RUFY2: variants seen among roughly 807,000 people sequenced by gnomAD.
The protein encoded by RUFY2 is RUN and FYVE domain-containing protein 2.
RUFY2 carries 49 observed loss-of-function variants against 94.4 expected under a neutral mutation model. That is an observed-to-expected ratio of 0.52 (90% CI 0.41 to 0.66). The LOEUF (loss-of-function observed/expected upper bound fraction) is 0.66. Ranked by LOEUF, RUFY2 falls within the 30% of genes least tolerant of loss-of-function variation. RUFY2 has a pLI of 0.00. For missense variants in RUFY2, 541 were observed against 692.8 expected (o/e 0.78, Z 2.46); for synonymous variants, 255 against 235.7 (o/e 1.08, Z -0.75).
downstream of RUFY2, chr10:68,342,286 AC>A: frequency 2.3e-6 from 1 of 438,670 alleles, no homozygotes; most frequent in Admixed American, 4.0e-5. Context: ...TGATGTTGAT[AC>A]TTTTTATATA....
At chr10:68,406,036 T>C (rs1253482623) in intron 1 of RUFY2, among the ~76,000 whole-genome samples, 1 of 152,216 alleles carries the variant, frequency 6.6e-6, no homozygotes, top group Non-Finnish European at 1.5e-5. Context: ...ATCACTGTTG[T>C]GACTGGTGGG....
downstream of RUFY2, chr10:68,341,896 C>A: frequency 6.3e-7 from 1 of 1,591,500 alleles, no homozygotes; most frequent in Non-Finnish European, 8.6e-7. Flanking sequence ...ATATGTAGTG[C>A]AAACTTTAAA....
chr10:68,370,004 C>G (rs1211125614), intron 13 of RUFY2, among the ~76,000 whole-genome samples: 2 of 151,978 alleles, frequency 1.3e-5, no homozygotes, highest in Non-Finnish European at 2.9e-5. Context: ...CTAATCTAGG[C>G]CGGGCACGGG....
intron 13 of RUFY2, among the ~76,000 whole-genome samples, chr10:68,374,508 C>T (rs1230530079): frequency 6.6e-6 from 1 of 152,006 alleles, no homozygotes; most frequent in Non-Finnish European, 1.5e-5. Context: ...AGTAACAGAG[C>T]TTTAGAATAC....
At chr10:68,405,322 A>AAAAAAAAG in intron 1 of RUFY2, 1 of 320,536 alleles carries the variant, frequency 3.1e-6, no homozygotes, top group Non-Finnish European at 4.5e-6. Context: ...ACAAAAAAAA[A>AAAAAAAAG]AAAAAGAAAA....
At chr10:68,357,930 G>A (rs1396049709) in intron 15 of RUFY2, among the ~76,000 whole-genome samples, 1 of 152,194 alleles carries the variant, frequency 6.6e-6, no homozygotes, top group East Asian at 1.9e-4. Context: ...GTTCCTGCCT[G>A]TAATCGCAGC....
At chr10:68,372,798 A>C (rs559094598) in intron 13 of RUFY2, among the ~76,000 whole-genome samples, 4 of 151,974 alleles carry the variant, frequency 2.6e-5, no homozygotes, top group African/African-American at 9.6e-5. Context: ...AGTCTCAGCT[A>C]CTCAGGAGCC....
chr10:68,346,313 G>C, intron 16 of RUFY2: 1 of 426,692 alleles, frequency 2.3e-6, no homozygotes, highest in South Asian at 3.1e-5. Context: ...ATTGCAGCCA[G>C]GCGACAATGG....
chr10:68,391,997 A>C (rs190328880), intron 7 of RUFY2, among the ~76,000 whole-genome samples: 283 of 151,980 alleles, frequency 1.9e-3, no homozygotes, highest in African/African-American at 6.3e-3. Flanking sequence ...AACAAACAAA[A>C]AAACTATGCA....
chr10:68,349,461 C>T (rs1443186146), intron 16 of RUFY2, among the ~76,000 whole-genome samples: 1 of 151,972 alleles, frequency 6.6e-6, no homozygotes. Context: ...TTCAAGGTTA[C>T]AGTGAGCTAT....
intron 12 of RUFY2, chr10:68,378,634 T>C: frequency 6.2e-7 from 1 of 1,613,132 alleles, no homozygotes; most frequent in Non-Finnish European, 8.5e-7. Context: ...CCAATGACAT[T>C]GCAATTGTCC....
Position 68,404,708 on chromosome 10 carries a change from A to G in RUFY2, c.141T>C (p.Phe47=). 2 of 1,612,648 alleles carry G rather than the reference A, an allele frequency of 1.2e-6. No individual in the cohort carries two copies. The change falls in exon 2 of 18, where the codon TTT becomes TTC. Residue 47 remains phenylalanine, a synonymous_variant. Coordinates refer to ENST00000602465, the MANE Select transcript of RUFY2 (RefSeq NM_001330103.2). ...GTTTCAGGCAATGTTCCATAACAAC[A>G]AAGAATTGCTGCAAGGGGGGATAGT... ...DSDYPPLQQF[F]VVMEHCLKHG... is the part of the protein sequence containing the mutation.
chr10:68,374,420 AAAG>A (rs897920992), intron 13 of RUFY2, among the ~76,000 whole-genome samples: 1 of 152,214 alleles, frequency 6.6e-6, no homozygotes, highest in African/African-American at 2.4e-5. Flanking sequence ...TACCAAAGAC[AAAG>A]AAGTACATCA....
At chr10:68,384,506 T>C (rs1185561317) in intron 8 of RUFY2, among the ~76,000 whole-genome samples, 1 of 152,196 alleles carries the variant, frequency 6.6e-6, no homozygotes, top group East Asian at 1.9e-4. Context: ...ATGCATTAAA[T>C]AACAAAGGCT....
intron 2 of RUFY2, among the ~76,000 whole-genome samples, chr10:68,403,409 C>G (rs2051017508): frequency 6.6e-6 from 1 of 151,790 alleles, no homozygotes; most frequent in Non-Finnish European, 1.5e-5. Flanking sequence ...ACACCACCAG[C>G]CTGGCTAATT....
chr10:68,387,263 A>G (rs1170150547), intron 7 of RUFY2, among the ~76,000 whole-genome samples: 3 of 152,082 alleles, frequency 2.0e-5, no homozygotes, highest in African/African-American at 7.2e-5. Flanking sequence ...TGGCTGAGGC[A>G]GGAGAATCAC....
chr10:68,378,157 T>G (rs972032274), intron 12 of RUFY2: 26 of 987,098 alleles, frequency 2.6e-5, no homozygotes, highest in Non-Finnish European at 2.9e-5. Flanking sequence ...TTAAAGCATA[T>G]GTAAAAATCT....
At chr10:68,405,327 A>AAAAT in intron 1 of RUFY2, 2 of 304,132 alleles carry the variant, frequency 6.6e-6, no homozygotes, top group Non-Finnish European at 9.6e-6. Context: ...AAAAAAAAAA[A>AAAAT]GAAAAAGAAA....
intron 7 of RUFY2, among the ~76,000 whole-genome samples, chr10:68,391,758 G>A (rs757473683): frequency 2.0e-5 from 3 of 150,202 alleles, no homozygotes; most frequent in Non-Finnish European, 4.4e-5. Context: ...TCAAGAGTTC[G>A]AGACCAGCCT....
Sources: gnomAD v4.1 joint callset for allele counts (sites outside exome capture counted in the v4.1 genomes callset) on GRCh38, gnomAD v4.1.1 for gene constraint, MANE v1.5 for transcripts, NCBI Gene and HGNC (gene_info 2026-07-23, HGNC 2026-07-21) for gene names.